DPP10: variants seen among roughly 807,000 people sequenced by gnomAD.
The protein encoded by DPP10 is inactive dipeptidyl peptidase 10.
Under a neutral mutation model 120.9 loss-of-function variants are expected in DPP10, and 33 were observed. The ratio of observed to expected loss-of-function variants is 0.27; its 90% CI spans 0.21 to 0.37. The LOEUF is 0.37. Among genes scored for constraint, DPP10 ranks in the 10% least tolerant of loss-of-function variants. The probability of loss-of-function intolerance (pLI) is 1.00; values close to 1 mark genes in which losing one functional copy is unlikely to be tolerated. For missense variants in DPP10, 816 were observed against 942.8 expected (o/e 0.87, Z 1.76); for synonymous variants, 337 against 326.1 (o/e 1.03, Z -0.36).
At chr2:115,831,684 A>G (rs1435814816) in intron 21 of DPP10, among the ~76,000 whole-genome samples, 1 of 152,228 alleles carries the variant, frequency 6.6e-6, no homozygotes, top group Non-Finnish European at 1.5e-5. Context: ...CTGCTTCTCC[A>G]AGTCCTTCTA....
At chr2:114,587,563 A>AT (rs1002668484) in intron 1 of DPP10, among the ~76,000 whole-genome samples, 4 of 152,120 alleles carry the variant, frequency 2.6e-5, no homozygotes, top group Non-Finnish European at 5.9e-5. Flanking sequence ...AATGAGAAAC[A>AT]AATCCCTGGA....
At chr2:115,587,388 T>G (rs1018567707) in intron 5 of DPP10, among the ~76,000 whole-genome samples, 14 of 152,146 alleles carry the variant, frequency 9.2e-5, no homozygotes, top group African/African-American at 3.4e-4. Context: ...TCCTACTCCT[T>G]AGCCTCTGGT....
intron 1 of DPP10, among the ~76,000 whole-genome samples, chr2:114,995,324 A>G (rs940607405): frequency 6.6e-6 from 1 of 152,130 alleles, no homozygotes. Flanking sequence ...TGAGACATCT[A>G]TGTCTTGATT....
Position 115,840,819 on chromosome 2 carries a change from T to C in DPP10, c.2252T>C (p.Met751Thr). Residue 751 changes from methionine (M) to threonine (T), a missense_variant, in exon 25 of 26, where the codon ATG (methionine) becomes ACG (threonine). By Grantham distance (81) the Met-to-Thr change is moderately conservative. Coordinates refer to ENST00000410059, the MANE Select transcript of DPP10 (RefSeq NM_020868.6). ...ATAAAAGCTGGAGTGAATTATACTA[T>C]GCAGGTAAGCTACTTTCTTAGAAGA... ...HLIKAGVNYT[M>T]QVYPDEGHNV... 6.2e-7 allele frequency: 1 copy of C among 1,610,464 alleles called. No homozygotes were observed. The highest frequency in any genetic ancestry group is 8.5e-7 in the Non-Finnish European group (1 of 1,178,024).
intron 5 of DPP10, chr2:115,526,483 T>G (rs2078141421): frequency 6.6e-6 from 1 of 152,374 alleles, no homozygotes; most frequent in African/African-American, 2.4e-5. Flanking sequence ...CAATTAATTC[T>G]GAACAAATAA....
chr2:115,136,554 A>G (rs958573993), intron 1 of DPP10, among the ~76,000 whole-genome samples: 5 of 152,188 alleles, frequency 3.3e-5, no homozygotes, highest in African/African-American at 1.2e-4. Flanking sequence ...GTGTATTTCT[A>G]TGTAATGACC....
At chr2:115,253,905 C>T (rs1379362357) in intron 1 of DPP10, among the ~76,000 whole-genome samples, 1 of 152,234 alleles carries the variant, frequency 6.6e-6, no homozygotes, top group Non-Finnish European at 1.5e-5. Context: ...CCCTCCAACC[C>T]CATATTTCCC....
At chr2:114,891,213 T>C (rs1219047017) in intron 1 of DPP10, among the ~76,000 whole-genome samples, 1 of 152,140 alleles carries the variant, frequency 6.6e-6, no homozygotes, top group Non-Finnish European at 1.5e-5. Context: ...ACTGTGTAAT[T>C]GCAAGCTGAG....
intron 1 of DPP10, among the ~76,000 whole-genome samples, chr2:114,640,359 A>G (rs931066538): frequency 1.2e-4 from 18 of 152,058 alleles, no homozygotes; most frequent in African/African-American, 4.1e-4. Context: ...CCCTTATTCT[A>G]ACAGCTTATC....
At chr2:114,671,642 C>T (rs1330777325) in intron 1 of DPP10, among the ~76,000 whole-genome samples, 1 of 152,060 alleles carries the variant, frequency 6.6e-6, no homozygotes. Flanking sequence ...AACACATCCC[C>T]CTTGGATAAA....
chr2:115,799,637 A>C (rs1305414228), intron 19 of DPP10, among the ~76,000 whole-genome samples: 1 of 125,238 alleles, frequency 8.0e-6, no homozygotes, highest in Non-Finnish European at 1.6e-5. Flanking sequence ...TCCTGTGTCC[A>C]TGTGTTCTCA....
chr2:115,471,593 A>AT lies in DPP10; in HGVS notation c.272-27906dup, dbSNP rs5833594. ...TTTTTCTTTTCTTTTTCTCTCTTTT[A>AT]TTTTTTTTTTTGAGACAAGGTCTCA... is the stretch of plus-strand genomic sequence containing the variant. On this transcript the variant is annotated intron_variant, in intron 3 of 25. Transcript: ENST00000410059. Among the ~76,000 whole-genome samples the AT allele has an allele frequency of 2.1e-3, 310 of 147,512 alleles. 1 individual carries two copies. The highest frequency in any genetic ancestry group is 7.2e-3 in the African/African-American group (290 of 40,176).
At chr2:115,486,760 T>C (rs1395020888) in intron 3 of DPP10, among the ~76,000 whole-genome samples, 1 of 152,192 alleles carries the variant, frequency 6.6e-6, no homozygotes, top group African/African-American at 2.4e-5. Context: ...TTTCCTCTTA[T>C]GCTATCTTTT....
chr2:114,515,440 A>G (rs558493957), intron 1 of DPP10, among the ~76,000 whole-genome samples: 2 of 152,368 alleles, frequency 1.3e-5, no homozygotes, highest in East Asian at 3.9e-4. Flanking sequence ...TACTGAAGAT[A>G]TGACTTACAA....
rs569784744 is a variant in DPP10 at position 115,426,077 on chromosome 2, C to G, written c.272-73433C>G. Among the ~76,000 whole-genome samples the G allele has an allele frequency of 1.0e-3, 156 of 149,102 alleles. 2 individuals carry two copies. Among genetic ancestry groups the G allele is most frequent in the Non-Finnish European group, 1.8e-3 (118 of 67,356 alleles). ...TGACATTTCAACATGAGATTCTCAC[C>G]AGGTGCCACCTCCGACGCTGGAGAT... On this transcript the variant is annotated intron_variant, in intron 3 of 25. Coordinates refer to ENST00000410059, the MANE Select transcript of DPP10 (RefSeq NM_020868.6).
At chr2:115,420,464 A>T (rs1417867764) in intron 3 of DPP10, among the ~76,000 whole-genome samples, 2 of 152,164 alleles carry the variant, frequency 1.3e-5, no homozygotes, top group African/African-American at 4.8e-5. Context: ...ATAGCTTCAG[A>T]TTTATGGCTC....
At chr2:114,652,000 C>T (rs1259649947) in intron 1 of DPP10, among the ~76,000 whole-genome samples, 2 of 152,130 alleles carry the variant, frequency 1.3e-5, no homozygotes, top group Admixed American at 1.3e-4. Context: ...CAGATGATTC[C>T]TATCCGTGAA....
chr2:115,412,469 T>C (rs932341908), intron 3 of DPP10, among the ~76,000 whole-genome samples: 2 of 152,218 alleles, frequency 1.3e-5, no homozygotes, highest in African/African-American at 4.8e-5. Context: ...ACTCTGTAAA[T>C]ACAGGTGTCT....
At chr2:115,558,772 C>G (rs2080377523) in intron 5 of DPP10, among the ~76,000 whole-genome samples, 1 of 152,080 alleles carries the variant, frequency 6.6e-6, no homozygotes, top group Admixed American at 6.5e-5. Flanking sequence ...GAGGCATCAA[C>G]AAATAGGTAA....
Sources: allele counts gnomAD v4.1 joint callset (sites outside exome capture counted in the v4.1 genomes callset), GRCh38; gene constraint gnomAD v4.1.1; transcripts MANE v1.5; gene names NCBI Gene and HGNC (gene_info 2026-07-23, HGNC 2026-07-21).